Variants in GCNT1 observed in about 807,000 individuals in gnomAD.
The protein encoded by GCNT1 is beta-1,3-galactosyl-O-glycosyl-glycoprotein beta-1,6-N-acetylglucosaminyltransferase.
A neutral mutation model predicts 26.2 loss-of-function variants in GCNT1; 16 were observed. The ratio of observed to expected loss-of-function variants is 0.61; its 90% confidence interval spans 0.41 to 0.93. The LOEUF (loss-of-function observed/expected upper bound fraction) is 0.93, where lower values mean the gene tolerates loss of function less well. Ranked by LOEUF, GCNT1 falls within the 40% of genes least tolerant of loss-of-function variation. GCNT1 has a pLI of 0.00. For missense variants in GCNT1, 477 were observed against 526.7 expected (o/e 0.91, Z 0.92); for synonymous variants, 183 against 190.8 (o/e 0.96, Z 0.34).
chr9:76,436,433 C>A (rs1357673079), intron 1 of GCNT1, among the ~76,000 whole-genome samples: 1 of 151,450 alleles, frequency 6.6e-6, no homozygotes, highest in African/African-American at 2.4e-5. Context: ...GCTAAAAATA[C>A]AAAAATTAAC....
intron 2 of GCNT1, among the ~76,000 whole-genome samples, chr9:76,488,492 C>G (rs1467328958): frequency 6.6e-6 from 1 of 152,080 alleles, no homozygotes; most frequent in Non-Finnish European, 1.5e-5. Flanking sequence ...TATTGAGTTT[C>G]TCTATTTTTG....
chr9:76,418,995 C>A (rs1272411054), upstream of GCNT1, among the ~76,000 whole-genome samples: 2 of 152,108 alleles, frequency 1.3e-5, no homozygotes, highest in Non-Finnish European at 2.9e-5. Flanking sequence ...TTGGGAGAGA[C>A]AAAATGTTAG....
intron 2 of GCNT1, among the ~76,000 whole-genome samples, chr9:76,465,363 A>G (rs1451994240): frequency 6.6e-6 from 1 of 152,018 alleles, no homozygotes; most frequent in Non-Finnish European, 1.5e-5. Flanking sequence ...ACCTCAAGTG[A>G]TCCTCTCACC....
At chr9:76,419,417 T>A (rs1823162460), upstream of GCNT1, among the ~76,000 whole-genome samples, 1 of 152,140 alleles carries the variant, frequency 6.6e-6, no homozygotes, top group Non-Finnish European at 1.5e-5. Flanking sequence ...TGTTTGTAAT[T>A]CCAGCACTTT....
chr9:76,493,834 A>T (rs1320669753), intron 2 of GCNT1, among the ~76,000 whole-genome samples: 1 of 152,168 alleles, frequency 6.6e-6, no homozygotes, highest in Non-Finnish European at 1.5e-5. Context: ...TTTTACAGAA[A>T]ATGTCAAGCT....
At chr9:76,430,963 G>A (rs1823330196) in intron 1 of GCNT1, among the ~76,000 whole-genome samples, 1 of 152,250 alleles carries the variant, frequency 6.6e-6, no homozygotes, top group African/African-American at 2.4e-5. Context: ...CGGGATTACG[G>A]GCATGAGCCA....
upstream of GCNT1, among the ~76,000 whole-genome samples, chr9:76,437,425 G>A (rs186437854): frequency 1.1e-3 from 166 of 152,236 alleles, no homozygotes; most frequent in Non-Finnish European, 1.9e-3. Flanking sequence ...TCCCACCAGC[G>A]CCATGACAGT....
chr9:76,493,485 C>G (rs994150514), intron 2 of GCNT1, among the ~76,000 whole-genome samples: 11 of 152,148 alleles, frequency 7.2e-5, no homozygotes, highest in Admixed American at 2.0e-4. Context: ...GAAAACTTCC[C>G]CAGGTCTGCC....
chr9:76,407,203 T>G, the GCNT1 span, among the ~76,000 whole-genome samples: 1 of 152,076 alleles, frequency 6.6e-6, no homozygotes, highest in Non-Finnish European at 1.5e-5. Flanking sequence ...GCCACACTAC[T>G]GCACTGCATT....
the GCNT1 span, among the ~76,000 whole-genome samples, chr9:76,413,675 T>G: frequency 5.3e-5 from 8 of 150,314 alleles, no homozygotes; most frequent in East Asian, 3.9e-4. Flanking sequence ...TTTGTTTTTT[T>G]TTTTTTTTTG....
chr9:76,398,813 T>C, the GCNT1 span: 1 of 1,391,148 alleles, frequency 7.2e-7, no homozygotes, highest in Non-Finnish European at 1.0e-6. Context: ...ACAGTACATC[T>C]GTAAAAGGAA....
At chr9:76,477,938 T>C (rs1049995426) in intron 2 of GCNT1, among the ~76,000 whole-genome samples, 1 of 152,184 alleles carries the variant, frequency 6.6e-6, no homozygotes, top group Non-Finnish European at 1.5e-5. Flanking sequence ...CTTTTGTGTC[T>C]AGTTAAAGGA....
chr9:76,394,033 T>C, the GCNT1 span: 3 of 1,512,584 alleles, frequency 2.0e-6, no homozygotes, highest in Non-Finnish European at 2.7e-6. Context: ...CCGGCTGCCG[T>C]CTCTCCCCGC....
intron 2 of GCNT1, among the ~76,000 whole-genome samples, chr9:76,469,935 T>C (rs1040381031): frequency 3.3e-5 from 5 of 152,252 alleles, no homozygotes; most frequent in Middle Eastern, 3.4e-3. Context: ...GCCACCATTT[T>C]GGAAGTGGCC....
the GCNT1 span, chr9:76,394,642 C>G: frequency 6.5e-6 from 1 of 154,952 alleles, no homozygotes; most frequent in South Asian, 1.9e-4. Context: ...TGTCTGGATC[C>G]CGGGCTTCGT....
At chr9:76,414,355 T>A in the GCNT1 span, among the ~76,000 whole-genome samples, 1 of 152,226 alleles carries the variant, frequency 6.6e-6, no homozygotes, top group South Asian at 2.1e-4. Context: ...AAGCATTCTA[T>A]GGTCCTATCG....
At chr9:76,468,713 T>G (rs571098660) in intron 2 of GCNT1, among the ~76,000 whole-genome samples, 1 of 152,320 alleles carries the variant, frequency 6.6e-6, no homozygotes, top group Admixed American at 6.5e-5. Flanking sequence ...TGTTGCCTCT[T>G]TCCAATTTTG....
At chr9:76,496,535 A>C (rs72747374) in intron 2 of GCNT1, among the ~76,000 whole-genome samples, 12,548 of 151,258 alleles carry the variant, frequency 0.083, 578 homozygotes, top group Middle Eastern at 0.17. Flanking sequence ...CCATCTTCCC[A>C]CTCCATTAAG....
At chr9:76,406,304 G>A in the GCNT1 span, among the ~76,000 whole-genome samples, 2 of 151,950 alleles carry the variant, frequency 1.3e-5, no homozygotes, top group African/African-American at 4.8e-5. Flanking sequence ...AGACAGCCTG[G>A]GCAACATAGT....
Sources: gnomAD v4.1 joint callset for allele counts (sites outside exome capture counted in the v4.1 genomes callset) on GRCh38, gnomAD v4.1.1 for gene constraint, MANE v1.5 for transcripts, NCBI Gene and HGNC (gene_info 2026-07-23, HGNC 2026-07-21) for gene names.